The following CHLSN variants were observed in gnomAD, a reference collection of about 807,000 sequenced individuals.
The protein encoded by CHLSN is protein cholesin.
At chr7:1,089,812 G>A in the CHLSN span, among the ~76,000 whole-genome samples, 1 of 151,484 alleles carries the variant, frequency 6.6e-6, no homozygotes, top group African/African-American at 2.4e-5. Flanking sequence ...GCCCGGCGCG[G>A]TGGATCACAC....
chr7:1,006,413 G>A, the CHLSN span, among the ~76,000 whole-genome samples: 337 of 150,822 alleles, frequency 2.2e-3, no homozygotes, highest in Non-Finnish European at 3.8e-3. Context: ...ATACTGCAGG[G>A]AAAGAGCGCA....
chr7:986,933 T>A, the CHLSN span: 1 of 1,318,016 alleles, frequency 7.6e-7, no homozygotes, highest in South Asian at 1.6e-5. Flanking sequence ...TCTCAGAGCC[T>A]CAGTCTCCTT....
the CHLSN span, among the ~76,000 whole-genome samples, chr7:1,064,399 C>T: frequency 2.0e-5 from 3 of 152,106 alleles, no homozygotes; most frequent in South Asian, 2.1e-4. Flanking sequence ...TCTGAGGAGA[C>T]GCTGTGCAGG....
At chr7:988,766 C>G in the CHLSN span, 1 of 1,598,180 alleles carries the variant, frequency 6.3e-7, no homozygotes. Flanking sequence ...CACGCCCGCC[C>G]GGGCTTTTAC....
At chr7:1,031,990 G>C in the CHLSN span, among the ~76,000 whole-genome samples, 1 of 152,134 alleles carries the variant, frequency 6.6e-6, no homozygotes, top group East Asian at 1.9e-4. Context: ...CCCAGGTAAT[G>C]AGAATTCGCC....
chr7:1,121,708 A>G, the CHLSN span, among the ~76,000 whole-genome samples: 1 of 152,220 alleles, frequency 6.6e-6, no homozygotes, highest in African/African-American at 2.4e-5. Context: ...AGCCAAGACC[A>G]TGAAACACCC....
At chr7:1,094,053 G>A in the CHLSN span, among the ~76,000 whole-genome samples, 4 of 152,264 alleles carry the variant, frequency 2.6e-5, no homozygotes, top group Non-Finnish European at 5.9e-5. Context: ...AGCTTCCCAT[G>A]AATGTAGGAG....
chr7:995,222 G>T, the CHLSN span, among the ~76,000 whole-genome samples: 1 of 152,190 alleles, frequency 6.6e-6, no homozygotes, highest in Non-Finnish European at 1.5e-5. Context: ...GAGACCCCAG[G>T]GCATTGCGTG....
At chr7:1,021,249 G>A in the CHLSN span, 1,602 of 428,386 alleles carry the variant, frequency 3.7e-3, 4 homozygotes, top group Non-Finnish European at 4.2e-3. Context: ...GAACCTCCAG[G>A]CTGAGGATCT....
At chr7:1,095,298 G>A in the CHLSN span, among the ~76,000 whole-genome samples, 2,059 of 126,490 alleles carry the variant, frequency 0.016, 40 homozygotes, top group African/African-American at 0.06. Context: ...ACACCTGGGC[G>A]CTGTCTTTAC....
At chr7:1,032,013 G>A in the CHLSN span, among the ~76,000 whole-genome samples, 1 of 152,132 alleles carries the variant, frequency 6.6e-6, no homozygotes, top group African/African-American at 2.4e-5. Context: ...CGAAACCTGG[G>A]CCCAGGCACC....
chr7:1,108,232 G>C, the CHLSN span, among the ~76,000 whole-genome samples: 6 of 14,906 alleles, frequency 4.0e-4, no homozygotes, highest in East Asian at 7.9e-4. Context: ...CCCGCACCCC[G>C]GGGGGGAAGC....
the CHLSN span, among the ~76,000 whole-genome samples, chr7:1,041,621 T>C: frequency 6.6e-6 from 1 of 152,190 alleles, no homozygotes; most frequent in Non-Finnish European, 1.5e-5. Context: ...GTGCGCCTTA[T>C]AATCAACAGG....
chr7:1,023,622 GAAAC>G, the CHLSN span, among the ~76,000 whole-genome samples: 1 of 95,526 alleles, frequency 1.0e-5, no homozygotes, highest in East Asian at 5.2e-4. The surrounding 1 kb of genome is among the most constrained non-coding windows in gnomAD (Gnocchi z 5.0). Context: ...CTCCTCCCAG[GAAAC>G]ACACACACAC....
chr7:1,048,100 G>A, the CHLSN span, among the ~76,000 whole-genome samples: 1 of 152,140 alleles, frequency 6.6e-6, no homozygotes, highest in Non-Finnish European at 1.5e-5. Context: ...GGGTACTGAT[G>A]CCCAAAATAA....
chr7:1,038,833 G>T, the CHLSN span, among the ~76,000 whole-genome samples: 1 of 54,856 alleles, frequency 1.8e-5, no homozygotes, highest in Non-Finnish European at 3.8e-5. Context: ...GGAGGGAGGT[G>T]GGGGGGTCAG....
chr7:1,021,658 C>T, the CHLSN span: 6 of 823,334 alleles, frequency 7.3e-6, no homozygotes, highest in Non-Finnish European at 8.8e-6. Context: ...CCGCAGTGCC[C>T]TCTGGGAACC....
At chr7:1,108,307 C>T in the CHLSN span, among the ~76,000 whole-genome samples, 7 of 150,494 alleles carry the variant, frequency 4.7e-5, no homozygotes, top group Admixed American at 2.6e-4. Context: ...GGGCTGTGTC[C>T]CACACTGGAG....
chr7:1,050,662 G>A, the CHLSN span, among the ~76,000 whole-genome samples: 2 of 152,236 alleles, frequency 1.3e-5, no homozygotes, highest in African/African-American at 4.8e-5. Flanking sequence ...AGCCTAGGAA[G>A]CATCTTCCCA....
Sources: allele counts gnomAD v4.1 joint callset (sites outside exome capture counted in the v4.1 genomes callset), GRCh38; gene constraint gnomAD v4.1.1; non-coding constraint Gnocchi (gnomAD v3.1); transcripts MANE v1.5; gene names NCBI Gene and HGNC (gene_info 2026-07-23, HGNC 2026-07-21).